OR6N1: variants seen among roughly 807,000 people sequenced by gnomAD.
The protein encoded by OR6N1 is olfactory receptor 6N1.
For missense variants in OR6N1, 394 were observed against 371.7 expected (o/e 1.06, Z -0.49); for synonymous variants, 170 against 150.7 (o/e 1.13, Z -0.94).
chr1:158,814,395 A>C, the OR6N1 span, among the ~76,000 whole-genome samples: 36 of 152,344 alleles, frequency 2.4e-4, 2 homozygotes, highest in South Asian at 7.2e-3. Flanking sequence ...CATAAAAGAT[A>C]AGGCCAAAGA....
the OR6N1 span, among the ~76,000 whole-genome samples, chr1:158,813,268 C>A: frequency 6.6e-6 from 1 of 152,134 alleles, no homozygotes; most frequent in African/African-American, 2.4e-5. Flanking sequence ...AGAATTTATC[C>A]TGCAGATGTG....
the OR6N1 span, among the ~76,000 whole-genome samples, chr1:158,825,600 G>C: frequency 2.6e-5 from 4 of 152,190 alleles, no homozygotes; most frequent in East Asian, 7.7e-4. Flanking sequence ...AGTCAGAATG[G>C]CTATTTTTAA....
At chr1:158,774,219 G>A (rs1657521441), upstream of OR6N1, 1 of 152,194 alleles carries the variant, frequency 6.6e-6, no homozygotes, top group African/African-American at 2.4e-5. Flanking sequence ...AGCAAAAATA[G>A]TAGCAATGTA....
In OR6N1 at chr1:158,766,671, C is replaced by T. The variant is rs759317171; in HGVS notation, c.12G>A (p.Gly4=). ...TGAATTCTGCTACCTGGCTCCAGTTCCCTGTGTCCATTGCTCACCATTCAT... is the reference window on the plus strand; with the variant it reads ...TGAATTCTGCTACCTGGCTCCAGTTTCCTGTGTCCATTGCTCACCATTCAT... MDT[G]NWSQVAEFII... The change falls in exon 2 of 2, where the codon GGG becomes GGA. Residue 4 remains glycine (G), a synonymous_variant. Coordinates refer to ENST00000641846, the MANE Select transcript of OR6N1 (RefSeq NM_001005185.2). 6 of 1,609,118 alleles carry T rather than the reference C, an allele frequency of 3.7e-6. No homozygotes were observed. In the African/African-American group the frequency reaches 4.0e-5, roughly 11 times the overall value.
the OR6N1 span, among the ~76,000 whole-genome samples, chr1:158,813,872 G>GT: frequency 5.3e-5 from 8 of 151,508 alleles, no homozygotes; most frequent in South Asian, 8.4e-4. Flanking sequence ...TTTTTATTTT[G>GT]TTTTTTTGGT....
At chr1:158,838,717 C>T in the OR6N1 span, among the ~76,000 whole-genome samples, 1 of 152,026 alleles carries the variant, frequency 6.6e-6, no homozygotes, top group South Asian at 2.1e-4. Context: ...TTACATAATG[C>T]ATATATTGTC....
At chr1:158,792,555 C>G in the OR6N1 span, among the ~76,000 whole-genome samples, 1 of 152,090 alleles carries the variant, frequency 6.6e-6, no homozygotes, top group Non-Finnish European at 1.5e-5. Context: ...CTTAGCATTT[C>G]TTGCAGGGCT....
the OR6N1 span, among the ~76,000 whole-genome samples, chr1:158,812,566 G>A: frequency 5.9e-5 from 9 of 152,212 alleles, no homozygotes; most frequent in East Asian, 1.2e-3. Context: ...TATAGTGTTC[G>A]GTGAAGAAAG....
At chr1:158,815,857 C>A in the OR6N1 span, among the ~76,000 whole-genome samples, 42,686 of 151,938 alleles carry the variant, frequency 0.28, 6,179 homozygotes, top group Admixed American at 0.35. Context: ...CATGCCATTA[C>A]GAATATGGTA....
chr1:158,792,031 G>A, the OR6N1 span, among the ~76,000 whole-genome samples: 1 of 152,132 alleles, frequency 6.6e-6, no homozygotes, highest in Non-Finnish European at 1.5e-5. Context: ...CTGTCAATCT[G>A]TTTTCTTAGG....
At chr1:158,828,640 C>T in the OR6N1 span, among the ~76,000 whole-genome samples, 1 of 152,200 alleles carries the variant, frequency 6.6e-6, no homozygotes, top group South Asian at 2.1e-4. Flanking sequence ...TTTCCAGTTG[C>T]ATGGTGCAAG....
chr1:158,807,244 G>A, the OR6N1 span, among the ~76,000 whole-genome samples: 2 of 152,034 alleles, frequency 1.3e-5, no homozygotes, highest in African/African-American at 4.8e-5. Flanking sequence ...TTCTTCAGAG[G>A]GATATTATAA....
At chr1:158,812,561 T>G in the OR6N1 span, among the ~76,000 whole-genome samples, 16 of 152,334 alleles carry the variant, frequency 1.1e-4, 1 homozygote, top group Admixed American at 9.8e-4. Context: ...AGTGCTATAG[T>G]GTTCGGTGAA....
chr1:158,779,016 C>A, the OR6N1 span, among the ~76,000 whole-genome samples: 21 of 19,688 alleles, frequency 1.1e-3, no homozygotes, highest in African/African-American at 0.013. Flanking sequence ...GAGACTGCGT[C>A]TCAAAAAAAA....
the OR6N1 span, among the ~76,000 whole-genome samples, chr1:158,807,368 G>A: frequency 6.6e-6 from 1 of 152,176 alleles, no homozygotes; most frequent in Non-Finnish European, 1.5e-5. Context: ...AAGTATTCAA[G>A]ATTAGGCAAT....
At chr1:158,811,165 G>A in the OR6N1 span, among the ~76,000 whole-genome samples, 2 of 152,098 alleles carry the variant, frequency 1.3e-5, no homozygotes, top group Non-Finnish European at 2.9e-5. Flanking sequence ...TTAATTTGCT[G>A]AGGATAATGA....
the OR6N1 span, among the ~76,000 whole-genome samples, chr1:158,835,621 CG>C: frequency 8.6e-5 from 3 of 35,006 alleles, no homozygotes; most frequent in Non-Finnish European, 1.1e-4. Flanking sequence ...TTGGTGGGGG[CG>C]GGGGGTGGGT....
At chr1:158,777,282 C>A in the OR6N1 span, 2 of 1,614,072 alleles carry the variant, frequency 1.2e-6, no homozygotes, top group Admixed American at 3.3e-5. Context: ...TATCATAGGC[C>A]ATGGCTGTAA....
In OR6N1 at chr1:158,765,302, T is replaced by C. The variant is rs1657217322; in HGVS notation, c.*442A>G. ...ATATGAGTTCAAAAAACATGCTTTTTTCTACTGTACCAGTCTTCTCCACAT... is the reference window on the plus strand; with the variant it reads ...ATATGAGTTCAAAAAACATGCTTTTCTCTACTGTACCAGTCTTCTCCACAT... On this transcript the variant is annotated 3_prime_UTR_variant, in exon 2 of 2. Coordinates refer to ENST00000641846, the MANE Select transcript of OR6N1 (RefSeq NM_001005185.2). 1 of 153,294 alleles carries C rather than the reference T, an allele frequency of 6.5e-6. No homozygotes were observed. The highest frequency in any genetic ancestry group is 2.4e-5 in the African/African-American group (1 of 41,500). The allele number at this position is 153,294 out of a possible 1,614,324, so 9.5% of individuals were successfully genotyped here. A position where few individuals can be genotyped will look rare whatever the true frequency, so the allele number is the denominator to read the frequency against.
Sources: gnomAD v4.1 joint callset for allele counts (sites outside exome capture counted in the v4.1 genomes callset) on GRCh38, gnomAD v4.1.1 for gene constraint, MANE v1.5 for transcripts, NCBI Gene and HGNC (gene_info 2026-07-23, HGNC 2026-07-21) for gene names.